Variants in PALS2 observed in about 807,000 individuals in gnomAD.
PALS2 encodes the protein protein associated with LIN7 2, MAGUK p55 family member.
A neutral mutation model predicts 61.6 loss-of-function variants in PALS2; 27 were observed. The ratio of observed to expected loss-of-function variants is 0.44; its 90% confidence interval spans 0.32 to 0.60. The LOEUF (loss-of-function observed/expected upper bound fraction) is 0.60, where lower values mean the gene tolerates loss of function less well. Among genes scored for constraint, PALS2 ranks in the 20% least tolerant of loss-of-function variants. The pLI, the probability that PALS2 is intolerant of heterozygous loss-of-function variation, is 0.05. For missense variants in PALS2, 554 were observed against 639.4 expected (o/e 0.87, Z 1.44); for synonymous variants, 236 against 218.6 (o/e 1.08, Z -0.70).
intron 1 of PALS2, among the ~76,000 whole-genome samples, chr7:24,609,958 T>C (rs567952953): frequency 3.4e-4 from 52 of 152,282 alleles, no homozygotes; most frequent in Non-Finnish European, 6.3e-4. Flanking sequence ...AGGCTTTAAA[T>C]ACTGATCATA....
At chr7:24,676,556 G>A (rs559856188) in intron 9 of PALS2, among the ~76,000 whole-genome samples, 3 of 152,102 alleles carry the variant, frequency 2.0e-5, no homozygotes, top group Admixed American at 6.5e-5. Flanking sequence ...TTTTGTATAA[G>A]GTGTAAGGAA....
rs1389982904 is a variant in PALS2 at position 24,641,758 on chromosome 7, G to T, written c.160G>T (p.Asp54Tyr). ...LEDSKLEAVS[D>Y]NNLELVNEIL... is the part of the protein sequence containing the mutation. ...AGATTCCAAACTAGAAGCTGTCAGTGACAATAACTTGGAATTAGTCAATGA... is the reference window on the plus strand; with the variant it reads ...AGATTCCAAACTAGAAGCTGTCAGTTACAATAACTTGGAATTAGTCAATGA... Residue 54 changes from aspartate to tyrosine, a missense_variant, in exon 3 of 12, where the codon GAC (aspartate) becomes TAC (tyrosine). Coordinates refer to ENST00000222644, the MANE Select transcript of PALS2 (RefSeq NM_001303037.2). 3.1e-6 allele frequency: 5 copies of T among 1,612,352 alleles called. No individual in the cohort carries two copies. The highest frequency in any genetic ancestry group is 3.4e-6 in the Non-Finnish European group (4 of 1,179,208).
chr7:24,625,021 A>AT (rs1246176158), intron 2 of PALS2, among the ~76,000 whole-genome samples: 1 of 152,096 alleles, frequency 6.6e-6, no homozygotes, highest in Non-Finnish European at 1.5e-5. Flanking sequence ...TATTTTAGTC[A>AT]TTTTTTACTA....
At chr7:24,595,588 A>AAT (rs1457909369) in intron 1 of PALS2, among the ~76,000 whole-genome samples, 3 of 136,760 alleles carry the variant, frequency 2.2e-5, no homozygotes, top group Non-Finnish European at 3.1e-5. Flanking sequence ...AATATATATA[A>AAT]ATATATATAT....
At chr7:24,649,467 G>A (rs1288554223) in intron 3 of PALS2, 145 bp from the exon 4 acceptor site, 5 of 445,300 alleles carry the variant, frequency 1.1e-5, no homozygotes. Context: ...ATATTTATTT[G>A]ATCAACCTGA....
intron 5 of PALS2, among the ~76,000 whole-genome samples, chr7:24,657,851 A>T (rs1334768103): frequency 6.6e-6 from 1 of 152,162 alleles, no homozygotes; most frequent in Non-Finnish European, 1.5e-5. Context: ...TGAGTCTATG[A>T]TACGTGTACT....
chr7:24,627,214 A>C (rs766346669), intron 2 of PALS2, among the ~76,000 whole-genome samples: 1 of 152,232 alleles, frequency 6.6e-6, no homozygotes, highest in Non-Finnish European at 1.5e-5. Context: ...TAAGAAACTC[A>C]AAACCATACA....
In PALS2 at chr7:24,692,626, C is replaced by G. The variant is rs1759604662; in HGVS notation, c.*5012C>G. On this transcript the variant is annotated 3_prime_UTR_variant, in exon 12 of 12. Coordinates refer to ENST00000222644, the MANE Select transcript of PALS2 (RefSeq NM_001303037.2). ...TTCAGCTGGTGGAAGGTCTGTTCTG[C>G]TCTCTTAGTCCTAATCAGAAAGTCC... The G allele has an allele frequency of 6.6e-6, 1 of 152,118 alleles. No homozygotes were observed. Among genetic ancestry groups the G allele is most frequent in the Admixed American group, 6.6e-5 (1 of 15,262 alleles). 9.4% of individuals were successfully genotyped at this position (152,118 alleles called of 1,614,324 possible).
intron 1 of PALS2, among the ~76,000 whole-genome samples, chr7:24,589,773 T>A (rs1184311991): frequency 6.6e-6 from 1 of 152,188 alleles, no homozygotes; most frequent in Non-Finnish European, 1.5e-5. Flanking sequence ...GAAGAATGAA[T>A]GTACCATGAA....
chr7:24,652,258 C>T (rs1441571342), intron 5 of PALS2, among the ~76,000 whole-genome samples: 1 of 152,162 alleles, frequency 6.6e-6, no homozygotes, highest in Non-Finnish European at 1.5e-5. Flanking sequence ...TCTTCTAGCT[C>T]ACCATGGCTA....
At chr7:24,583,168 A>T (rs992061972) in intron 1 of PALS2, among the ~76,000 whole-genome samples, 1 of 151,988 alleles carries the variant, frequency 6.6e-6, no homozygotes, top group Non-Finnish European at 1.5e-5. Context: ...TGGGATTACA[A>T]GCGTGAGCCA....
chr7:24,670,066 A>G (rs1787222107), intron 9 of PALS2, among the ~76,000 whole-genome samples: 1 of 152,088 alleles, frequency 6.6e-6, no homozygotes, highest in African/African-American at 2.4e-5. Flanking sequence ...GTTGTGTTCC[A>G]TATTTCTTAA....
chr7:24,607,680 T>C (rs570846900), intron 1 of PALS2, among the ~76,000 whole-genome samples: 4 of 151,822 alleles, frequency 2.6e-5, no homozygotes, highest in African/African-American at 7.2e-5. Flanking sequence ...CATATACATA[T>C]GTGTGTGTAT....
intron 1 of PALS2, among the ~76,000 whole-genome samples, chr7:24,613,599 A>C (rs1784189013): frequency 6.6e-6 from 1 of 151,834 alleles, no homozygotes; most frequent in Non-Finnish European, 1.5e-5. Flanking sequence ...TGTTGGGAGC[A>C]TTCGAATATC....
Position 24,679,029 on chromosome 7 carries a change from G to C in PALS2, c.1115-102G>C. On this transcript the variant is annotated intron_variant, in intron 9 of 11. Coordinates refer to ENST00000222644, the MANE Select transcript of PALS2 (RefSeq NM_001303037.2). Reference sequence around the variant, plus strand: ...CAGATCTGGTCATAGCCTACAGTTTGCTGCACCCAGTGGAAAAACGTTAAG... The same window carrying C: ...CAGATCTGGTCATAGCCTACAGTTTCCTGCACCCAGTGGAAAAACGTTAAG... The C allele has an allele frequency of 3.2e-6, 3 of 941,306 alleles. No homozygotes were observed. The Admixed American group carries it at 6.1e-5, about 19-fold the overall frequency. 58.3% of individuals were successfully genotyped at this position (941,306 alleles called of 1,614,324 possible).
chr7:24,679,474 G>T, intron 10 of PALS2, 141 bp downstream of exon 10: 1 of 754,706 alleles, frequency 1.3e-6, no homozygotes, highest in Non-Finnish European at 2.1e-6. Flanking sequence ...GGGTGATAGA[G>T]AATGTTATTA....
At chr7:24,626,793 A>G (rs574220558) in intron 2 of PALS2, among the ~76,000 whole-genome samples, 6 of 152,338 alleles carry the variant, frequency 3.9e-5, no homozygotes, top group African/African-American at 1.4e-4. Context: ...ACATAATGGT[A>G]AAGGGATCAA....
intron 1 of PALS2, among the ~76,000 whole-genome samples, chr7:24,613,889 CATCCA>C (rs1166206058): frequency 1.3e-5 from 2 of 151,922 alleles, no homozygotes; most frequent in African/African-American, 2.4e-5. Context: ...CCTCCAGTTC[CATCCA>C]GGTTGCTGCA....
Position 24,619,549 on chromosome 7 carries a change from C to G in PALS2, c.-2-4117C>G, listed in dbSNP as rs565898824. On this transcript the variant is annotated intron_variant, in intron 1 of 11. Transcript: ENST00000222644. ...TGGCTAACACGGTGAAACCCCGTCT[C>G]TACTAAAAAATACAAAAAATTAGCT... Among the ~76,000 whole-genome samples, 4 of 152,018 alleles carry G rather than the reference C, an allele frequency of 2.6e-5. No homozygotes were observed. The East Asian group carries it at 7.8e-4, about 29-fold the overall frequency.
Sources: allele counts gnomAD v4.1 joint callset (sites outside exome capture counted in the v4.1 genomes callset), GRCh38; gene constraint gnomAD v4.1.1; transcripts MANE v1.5; gene names NCBI Gene and HGNC (gene_info 2026-07-23, HGNC 2026-07-21).